CCNY: variants seen among roughly 807,000 people sequenced by gnomAD.
The protein encoded by CCNY is cyclin Y.
In CCNY, 19 loss-of-function variants were observed where a neutral mutation model predicts 42.8. That is an observed-to-expected ratio of 0.44 (90% confidence interval 0.31 to 0.65). The LOEUF (loss-of-function observed/expected upper bound fraction) is 0.65. Ranked by LOEUF, CCNY falls within the 30% of genes least tolerant of loss-of-function variation. The pLI, the probability that CCNY is intolerant of heterozygous loss-of-function variation, is 0.07. For synonymous variants in CCNY, 165 were observed against 162.7 expected, an observed-to-expected ratio of 1.01 and a Z score of -0.11; for missense variants, 370 against 437.3, an observed-to-expected ratio of 0.85 and a Z score of 1.37.
intron 1 of CCNY, among the ~76,000 whole-genome samples, chr10:35,453,616 T>G (rs757798404): frequency 1.2e-4 from 18 of 152,260 alleles, no homozygotes; most frequent in Non-Finnish European, 2.5e-4. Flanking sequence ...AGCTGCTTAT[T>G]GGATATCTAA....
intron 3 of CCNY, among the ~76,000 whole-genome samples, chr10:35,302,466 A>T (rs1262735671): frequency 6.6e-6 from 1 of 151,400 alleles, no homozygotes; most frequent in Non-Finnish European, 1.5e-5. Context: ...ATGCACCACC[A>T]TGCCTGGCTA....
chr10:35,485,176 C>T (rs1589152191), intron 2 of CCNY, among the ~76,000 whole-genome samples: 2 of 152,236 alleles, frequency 1.3e-5, no homozygotes, highest in South Asian at 4.1e-4. Context: ...GCCATTTCTA[C>T]CTCTCTCCCT....
At chr10:35,435,840 G>A (rs1838518130) in intron 1 of CCNY, among the ~76,000 whole-genome samples, 1 of 152,158 alleles carries the variant, frequency 6.6e-6, no homozygotes, top group Non-Finnish European at 1.5e-5. Flanking sequence ...GAATTAAATG[G>A]GAGAACATCT....
chr10:35,371,205 A>G (rs112901027), intron 1 of CCNY, among the ~76,000 whole-genome samples: 1,585 of 152,300 alleles, frequency 0.01, 24 homozygotes, highest in African/African-American at 0.036. Flanking sequence ...GCTGGGATAC[A>G]GAAGCAACGT....
chr10:35,272,461 C>A (rs966792132), intron 3 of CCNY, among the ~76,000 whole-genome samples: 9 of 152,196 alleles, frequency 5.9e-5, no homozygotes, highest in Admixed American at 3.9e-4. Flanking sequence ...TCACCTCACA[C>A]CCTTTGTGTC....
At position 35,467,561 on chromosome 10, in the gene CCNY, A is replaced by G. The variant is rs187921270; in HGVS notation, c.155-15843A>G. Among the ~76,000 whole-genome samples, 37 of 152,326 alleles carry G rather than the reference A, an allele frequency of 2.4e-4. No homozygotes were observed. In the East Asian group the frequency reaches 3.5e-3, roughly 14 times the overall value. ...GTGTCTAGCACCAATAGATTTTTAA[A>G]CCATCTTATATTTTCTGTGTAGAGG... On this transcript the variant is annotated intron_variant, in intron 1 of 9. Coordinates refer to ENST00000374704, the MANE Select transcript of CCNY (RefSeq NM_145012.6).
chr10:35,450,333 C>T lies in CCNY; in HGVS notation c.155-33071C>T, dbSNP rs574156645. Among the ~76,000 whole-genome samples the T allele has an allele frequency of 1.4e-4, 21 of 152,186 alleles. No individual in the cohort carries two copies. In the South Asian group the frequency reaches 1.9e-3, roughly 14 times the overall value. On this transcript the variant is annotated intron_variant, in intron 1 of 9. Coordinates refer to ENST00000374704, the MANE Select transcript of CCNY (RefSeq NM_145012.6). ...GAGAGGGTGGAGGTTAAGATTAAAA[C>T]ACCAGGCCTTGCAGGGCAGTGGCAT...
chr10:35,512,564 C>T (rs907685433), intron 3 of CCNY, among the ~76,000 whole-genome samples: 1 of 152,118 alleles, frequency 6.6e-6, no homozygotes, highest in Non-Finnish European at 1.5e-5. Context: ...ATCTGCATAG[C>T]GGACTTAGAG....
intron 1 of CCNY, among the ~76,000 whole-genome samples, chr10:35,468,328 C>A (rs1215900444): frequency 1.3e-5 from 2 of 152,160 alleles, no homozygotes; most frequent in Admixed American, 1.3e-4. Context: ...ACACTGGGAG[C>A]TAGGATTTAA....
At chr10:35,386,784 G>A (rs1485738419) in intron 1 of CCNY, among the ~76,000 whole-genome samples, 2 of 151,688 alleles carry the variant, frequency 1.3e-5, no homozygotes, top group African/African-American at 4.8e-5. Flanking sequence ...TGCATTCTTA[G>A]ATATGTCAAG....
chr10:35,502,174 G>A (rs1840123701), intron 3 of CCNY, among the ~76,000 whole-genome samples: 1 of 152,142 alleles, frequency 6.6e-6, no homozygotes, highest in African/African-American at 2.4e-5. Context: ...GTAGCTGGCT[G>A]GCTCCAGCAC....
In CCNY at chr10:35,274,173, G is replaced by C. The variant is rs149052331; in HGVS notation, c.-9+23547G>C. 9.5e-4 allele frequency among the ~76,000 whole-genome samples: 145 copies of C among 152,268 alleles called. No homozygotes were observed. In the Middle Eastern group the frequency reaches 0.017, roughly 18 times the overall value. ...GAAGGCAAAGGAGGAGCAAAGGCAC[G>C]TCTTACATGGTGGCAGTCAAGGGAT... On this transcript the variant is annotated intron_variant, in intron 3 of 11. Transcript: ENST00000374706.
intron 1 of CCNY, among the ~76,000 whole-genome samples, chr10:35,357,446 A>G (rs986357371): frequency 2.6e-5 from 4 of 152,190 alleles, no homozygotes; most frequent in African/African-American, 9.7e-5. Context: ...ACACATAGCA[A>G]ACATTTTTTT....
chr10:35,548,036 C>A (rs986470598), intron 7 of CCNY, among the ~76,000 whole-genome samples: 1 of 152,018 alleles, frequency 6.6e-6, no homozygotes, highest in Admixed American at 6.6e-5. Flanking sequence ...CCACTTGACC[C>A]ATGAACAACT....
At chr10:35,290,790 T>C (rs2135062795) in intron 3 of CCNY, among the ~76,000 whole-genome samples, 1 of 152,114 alleles carries the variant, frequency 6.6e-6, no homozygotes, top group East Asian at 1.9e-4. Context: ...AGTGAGACCC[T>C]GTCTATACGA....
Position 35,280,589 on chromosome 10 carries a change from T to C in CCNY, c.-9+29963T>C, listed in dbSNP as rs146908202. 3.7e-4 allele frequency among the ~76,000 whole-genome samples: 56 copies of C among 152,206 alleles called. 2 individuals carry two copies. In the East Asian group the frequency reaches 0.01, roughly 28 times the overall value. On this transcript the variant is annotated intron_variant, in intron 3 of 11. Transcript: ENST00000374706. Reference sequence around the variant, plus strand: ...GAAGTTGGACCCTTACCTCACACCATACACAAAAATTAACTCAAAACAGAT... The same window carrying C: ...GAAGTTGGACCCTTACCTCACACCACACACAAAAATTAACTCAAAACAGAT...
At chr10:35,407,622 G>A (rs1186965650) in intron 1 of CCNY, among the ~76,000 whole-genome samples, 13 of 152,216 alleles carry the variant, frequency 8.5e-5, no homozygotes, top group African/African-American at 2.4e-4. Context: ...GGGGTCAAGC[G>A]GCATTGCAGA....
chr10:35,512,108 G>C (rs537604028), intron 3 of CCNY, among the ~76,000 whole-genome samples: 2 of 152,338 alleles, frequency 1.3e-5, no homozygotes, highest in East Asian at 3.9e-4. Flanking sequence ...ACTTGGAATA[G>C]AATCGATAGC....
chr10:35,322,095 C>T (rs974733611), intron 3 of CCNY, among the ~76,000 whole-genome samples: 4 of 152,226 alleles, frequency 2.6e-5, no homozygotes, highest in African/African-American at 9.6e-5. Flanking sequence ...GTGGCTCACG[C>T]CTGTAATCCC....
Sources: allele counts gnomAD v4.1 joint callset (sites outside exome capture counted in the v4.1 genomes callset), GRCh38; gene constraint gnomAD v4.1.1; transcripts MANE v1.5; gene names NCBI Gene and HGNC (gene_info 2026-07-23, HGNC 2026-07-21).